Variants in NTM observed in about 807,000 individuals in gnomAD.
NTM encodes IgLON family member 2.
NTM carries 13 observed loss-of-function variants against 42.1 expected under a neutral mutation model. The ratio of observed to expected loss-of-function variants is 0.31; its 90% CI spans 0.20 to 0.49. The LOEUF (loss-of-function observed/expected upper bound fraction) is 0.49. Among genes scored for constraint, NTM ranks in the 20% least tolerant of loss-of-function variants. The probability of loss-of-function intolerance (pLI) is 0.99; values close to 1 mark genes in which losing one functional copy is unlikely to be tolerated. For synonymous variants in NTM, 187 were observed against 179.2 expected (o/e 1.04, Z -0.35); for missense variants, 373 against 452.8 (o/e 0.82, Z 1.60).
intron 1 of NTM, among the ~76,000 whole-genome samples, chr11:131,606,383 T>C (rs2060962270): frequency 6.6e-6 from 1 of 152,222 alleles, no homozygotes; most frequent in Non-Finnish European, 1.5e-5. Flanking sequence ...CATCTACCAC[T>C]GTTCCTGGAA....
chr11:132,304,952 G>T (rs2095023709), intron 4 of NTM, among the ~76,000 whole-genome samples: 1 of 152,152 alleles, frequency 6.6e-6, no homozygotes, highest in African/African-American at 2.4e-5. Flanking sequence ...ATTTGGATCA[G>T]TAGAGACCAT....
At chr11:131,728,127 C>T (rs1383504429) in intron 1 of NTM, among the ~76,000 whole-genome samples, 1 of 151,496 alleles carries the variant, frequency 6.6e-6, no homozygotes, top group East Asian at 1.9e-4. Flanking sequence ...AACAAGCAAG[C>T]AACCAATTGC....
chr11:131,591,024 G>T (rs1030033563), intron 1 of NTM, among the ~76,000 whole-genome samples: 1 of 152,202 alleles, frequency 6.6e-6, no homozygotes, highest in Non-Finnish European at 1.5e-5. Context: ...CAGCAAGCAG[G>T]CTGGATGAAC....
At chr11:131,633,077 A>C (rs2134136170) in intron 1 of NTM, among the ~76,000 whole-genome samples, 1 of 152,264 alleles carries the variant, frequency 6.6e-6, no homozygotes, top group Admixed American at 6.5e-5. Context: ...ACTTTGCCAA[A>C]GCCTGAGGCT....
rs115533491 is a variant in NTM, at chr11:132,329,273, G to A, written c.935-880G>A. On this transcript the variant is annotated intron_variant, in intron 7 of 8. Transcript: ENST00000683400. Reference sequence around the variant, plus strand: ...CGTCCTCTCTGTATCCAGGGTGAACGACAAAGAGGGAAGTAAAAGATTAGA... The same window carrying A: ...CGTCCTCTCTGTATCCAGGGTGAACAACAAAGAGGGAAGTAAAAGATTAGA... 5.2e-3 allele frequency among the ~76,000 whole-genome samples: 789 copies of A among 152,316 alleles called. 7 individuals are homozygous for A. Among genetic ancestry groups the A allele is most frequent in the African/African-American group, 0.016 (683 of 41,574 alleles).
chr11:131,609,127 G>A (rs1424937568), intron 1 of NTM, among the ~76,000 whole-genome samples: 2 of 152,232 alleles, frequency 1.3e-5, no homozygotes. Context: ...AACCTCGGGA[G>A]GCTGAGCTGG....
intron 1 of NTM, among the ~76,000 whole-genome samples, chr11:131,444,274 A>G (rs1252240041): frequency 1.3e-5 from 2 of 151,864 alleles, no homozygotes; most frequent in East Asian, 3.8e-4. Context: ...AAGAAACAAT[A>G]AGAATGAAAT....
At chr11:131,546,925 CT>C (rs1215092175) in intron 1 of NTM, among the ~76,000 whole-genome samples, 1 of 152,170 alleles carries the variant, frequency 6.6e-6, no homozygotes, top group Non-Finnish European at 1.5e-5. Context: ...GCTAGGCTGT[CT>C]TTTCCTTGTC....
intron 2 of NTM, among the ~76,000 whole-genome samples, chr11:132,050,446 G>A (rs2078691585): frequency 6.6e-6 from 1 of 152,188 alleles, no homozygotes; most frequent in African/African-American, 2.4e-5. Flanking sequence ...GAAAGGGGCT[G>A]GGCAAATGAT....
At chr11:131,890,772 G>A (rs1037785384) in intron 1 of NTM, among the ~76,000 whole-genome samples, 3 of 152,164 alleles carry the variant, frequency 2.0e-5, no homozygotes, top group Non-Finnish European at 4.4e-5. Context: ...CCACCCGGAC[G>A]CATGCTAAGT....
chr11:131,598,689 T>TTCTTTCTTTCTTTC (rs879654690), intron 1 of NTM, among the ~76,000 whole-genome samples: 7,355 of 41,282 alleles, frequency 0.18, 2,442 homozygotes, highest in East Asian at 0.46. Context: ...TTTGTTTTCT[T>TTCTTTCTTTCTTTC]TCTTTCTTTC....
At chr11:131,436,797 G>T (rs1047514673) in intron 1 of NTM, among the ~76,000 whole-genome samples, 1 of 152,036 alleles carries the variant, frequency 6.6e-6, no homozygotes, top group Admixed American at 6.5e-5. Flanking sequence ...GTTCTGCTCT[G>T]ATCTTAGTTA....
chr11:131,831,634 T>A (rs934077734), intron 1 of NTM, among the ~76,000 whole-genome samples: 3 of 152,158 alleles, frequency 2.0e-5, no homozygotes, highest in Non-Finnish European at 4.4e-5. Context: ...ATGTGTAAAC[T>A]TTTTAGATCT....
intron 1 of NTM, among the ~76,000 whole-genome samples, chr11:131,639,824 C>T (rs1011411311): frequency 2.6e-5 from 4 of 151,922 alleles, no homozygotes; most frequent in African/African-American, 7.3e-5. Context: ...GGTGTGGTGG[C>T]GGGCGCCTGT....
At chr11:131,435,549 G>A (rs559351048) in intron 1 of NTM, among the ~76,000 whole-genome samples, 1 of 152,260 alleles carries the variant, frequency 6.6e-6, no homozygotes, top group Admixed American at 6.5e-5. Context: ...TCTCTTTGTA[G>A]CAATTCTGAA....
At chr11:131,796,058 G>A in intron 1 of NTM, 1 of 985,460 alleles carries the variant, frequency 1.0e-6, no homozygotes, top group Non-Finnish European at 1.2e-6. Flanking sequence ...AATGATCAGT[G>A]CCAAACAGGA....
intron 1 of NTM, among the ~76,000 whole-genome samples, chr11:131,606,724 A>T (rs1221526185): frequency 6.6e-6 from 1 of 152,164 alleles, no homozygotes. Flanking sequence ...GTTGTTAGCA[A>T]GTACATTTTG....
intron 2 of NTM, among the ~76,000 whole-genome samples, chr11:131,921,767 A>G (rs2057258625): frequency 6.6e-6 from 1 of 152,060 alleles, no homozygotes; most frequent in South Asian, 2.1e-4. Context: ...CTCCATTACA[A>G]ATCCTAAAGA....
chr11:132,202,329 G>A lies in NTM; in HGVS notation c.401-9693G>A, dbSNP rs372314689. Among the ~76,000 whole-genome samples, 9 of 152,268 alleles carry A rather than the reference G, an allele frequency of 5.9e-5. No homozygotes were observed. In the South Asian group the frequency reaches 1.9e-3, roughly 32 times the overall value. ...ACCTGGCAAAGTGCTCGGAATAGAA[G>A]GTGTTTGGTGTTTCTTTTCTTCCCA... On this transcript the variant is annotated intron_variant, in intron 3 of 8. Transcript: ENST00000683400.
Sources: allele counts gnomAD v4.1 joint callset (sites outside exome capture counted in the v4.1 genomes callset), GRCh38; gene constraint gnomAD v4.1.1; transcripts MANE v1.5; gene names NCBI Gene and HGNC (gene_info 2026-07-23, HGNC 2026-07-21).